The following RAB3IP variants were observed in gnomAD, a reference collection of about 807,000 sequenced individuals.
The protein encoded by RAB3IP is RAB3A interacting protein, also known as rab-3A-interacting protein.
Under a neutral mutation model 59.1 loss-of-function variants are expected in RAB3IP, and 36 were observed. The ratio of observed to expected loss-of-function variants is 0.61; its 90% confidence interval spans 0.47 to 0.80. RAB3IP has a LOEUF of 0.80. Among genes scored for constraint, RAB3IP ranks in the 30% least tolerant of loss-of-function variants. The probability of loss-of-function intolerance (pLI) is 0.00; values close to 1 mark genes in which losing one functional copy is unlikely to be tolerated. For missense variants in RAB3IP, 511 were observed against 536.0 expected, an observed-to-expected ratio of 0.95 and a Z score of 0.46; for synonymous variants, 207 against 191.2, an observed-to-expected ratio of 1.08 and a Z score of -0.68.
chr12:69,758,962 T>G (rs1870718782), intron 3 of RAB3IP, among the ~76,000 whole-genome samples: 1 of 149,034 alleles, frequency 6.7e-6, no homozygotes, highest in Admixed American at 6.7e-5. Context: ...AGATAATTGG[T>G]TTTCTTCCTC....
chr12:69,795,614 G>A, intron 6 of RAB3IP: 1 of 515,476 alleles, frequency 1.9e-6, no homozygotes, highest in Non-Finnish European at 3.4e-6. Flanking sequence ...GTTGTCTAGA[G>A]GAGAGTGGGT....
intron 1 of RAB3IP, among the ~76,000 whole-genome samples, chr12:69,743,586 A>G (rs1887553000): frequency 6.6e-6 from 1 of 152,190 alleles, no homozygotes; most frequent in Non-Finnish European, 1.5e-5. Flanking sequence ...AGGGGAGATA[A>G]TATCACTACC....
intron 8 of RAB3IP, among the ~76,000 whole-genome samples, chr12:69,809,323 G>A (rs1193725147): frequency 2.0e-5 from 3 of 152,142 alleles, no homozygotes; most frequent in Non-Finnish European, 4.4e-5. Context: ...CTCTCTGGCT[G>A]CCCTTAACAT....
At chr12:69,799,616 C>T (rs1379452191) in intron 6 of RAB3IP, among the ~76,000 whole-genome samples, 1 of 151,018 alleles carries the variant, frequency 6.6e-6, no homozygotes, top group Non-Finnish European at 1.5e-5. Context: ...TTTACGTATT[C>T]TTTTTTTTTA....
intron 3 of RAB3IP, among the ~76,000 whole-genome samples, chr12:69,771,994 A>G (rs1051814622): frequency 6.6e-6 from 1 of 151,936 alleles, no homozygotes; most frequent in Admixed American, 6.6e-5. Flanking sequence ...TGTTATTTGT[A>G]TTTTTGCCAT....
At chr12:69,746,054 C>A (rs1212575259) in intron 1 of RAB3IP, among the ~76,000 whole-genome samples, 1 of 152,128 alleles carries the variant, frequency 6.6e-6, no homozygotes, top group African/African-American at 2.4e-5. Flanking sequence ...ATAAATGAAG[C>A]TGTTCTGAAT....
At chr12:69,809,134 T>G (rs10748136) in intron 8 of RAB3IP, among the ~76,000 whole-genome samples, 116,974 of 136,670 alleles carry the variant, frequency 0.86, 50,139 homozygotes, top group Middle Eastern at 0.92. Context: ...GTCTGTAAAG[T>G]ATTTTATTTC....
intron 1 of RAB3IP, among the ~76,000 whole-genome samples, chr12:69,747,899 C>T (rs190005863): frequency 1.3e-5 from 2 of 152,316 alleles, no homozygotes; most frequent in Admixed American, 6.5e-5. Flanking sequence ...TAGCTTTCTT[C>T]TTCAGGTACT....
intron 3 of RAB3IP, among the ~76,000 whole-genome samples, chr12:69,760,356 A>AGAGGGAGACCGTGGAAAGAGAGGGC (rs1341805150): frequency 3.3e-5 from 5 of 152,228 alleles, no homozygotes; most frequent in African/African-American, 9.6e-5. Context: ...GCTCGGCATC[A>AGAGGGAGACCGTGGAAAGAGAGGGC]GAGGGAGACC....
In RAB3IP at chr12:69,817,519, C is replaced by T. The variant is rs963068587; in HGVS notation, c.*2073C>T. On this transcript the variant is annotated 3_prime_UTR_variant, in exon 11 of 11. Coordinates refer to ENST00000247833, the MANE Select transcript of RAB3IP (RefSeq NM_022456.5). ...TATTATAAATTCTTAATTTAGAAAT[C>T]GTGCATCAGTAGTTAGGCATTGTGG... 1 of 151,672 alleles carries T rather than the reference C, an allele frequency of 6.6e-6. No individual in the cohort carries two copies. Among genetic ancestry groups the T allele is most frequent in the African/African-American group, 2.4e-5 (1 of 41,276 alleles). The allele number at this position is 151,672 out of a possible 1,614,324, so 9.4% of individuals were successfully genotyped here. A position where few individuals can be genotyped will look rare whatever the true frequency, so the allele number is the denominator to read the frequency against.
intron 8 of RAB3IP, among the ~76,000 whole-genome samples, chr12:69,809,062 G>A (rs1432997423): frequency 1.3e-5 from 2 of 151,142 alleles, no homozygotes; most frequent in Admixed American, 6.6e-5. Flanking sequence ...CATGTTTAGT[G>A]CTTCCTTCAG....
At chr12:69,803,943 G>A (rs1878811718) in intron 8 of RAB3IP, among the ~76,000 whole-genome samples, 1 of 152,170 alleles carries the variant, frequency 6.6e-6, no homozygotes, top group Non-Finnish European at 1.5e-5. Flanking sequence ...ATTGCGAATA[G>A]TGCCGCAATA....
At chr12:69,740,389 C>A (rs1488200339) in intron 1 of RAB3IP, among the ~76,000 whole-genome samples, 1 of 152,196 alleles carries the variant, frequency 6.6e-6, no homozygotes, top group African/African-American at 2.4e-5. Flanking sequence ...TGATCTAATC[C>A]TAAAGCCCTT....
intron 2 of RAB3IP, 25 bp downstream of exon 2, chr12:69,755,684 T>A (rs769369411): frequency 1.3e-6 from 2 of 1,570,668 alleles, no homozygotes; most frequent in South Asian, 2.3e-5. Flanking sequence ...AATCACTTAT[T>A]TGATTTTTTT....
Position 69,756,530 on chromosome 12 carries a change from A to G in RAB3IP, c.377A>G (p.Glu126Gly). The G allele has an allele frequency of 6.2e-7, 1 of 1,614,180 alleles. No homozygotes were observed. Among genetic ancestry groups the G allele is most frequent in the Non-Finnish European group, 8.5e-7 (1 of 1,180,024 alleles). ...REFLQGATIT[E>G]ACDGSDDIFG... ...TTTTTACAGGGTGCTACTATAACAG[A>G]GGCTTGCGATGGCAGTGATGATATT... Residue 126 changes from glutamate to glycine, a missense_variant, in exon 3 of 11, where the codon GAG (glutamate) becomes GGG (glycine). Coordinates refer to ENST00000247833, the MANE Select transcript of RAB3IP (RefSeq NM_022456.5).
rs1881832818 is a variant in RAB3IP at position 69,822,296 on chromosome 12, C to A, written c.*6850C>A. The A allele has an allele frequency of 6.6e-6, 1 of 152,116 alleles. No individual in the cohort carries two copies. The allele number at this position is 152,116 out of a possible 1,614,324, so 9.4% of individuals were successfully genotyped here. A position where few individuals can be genotyped will look rare whatever the true frequency, so the allele number is the denominator to read the frequency against. ...GTGCTTCAGGCTTTACTACAGCCTA[C>A]CTGGATTTTGCAGTAGCTTCTTAAA... On this transcript the variant is annotated 3_prime_UTR_variant, in exon 11 of 11. Coordinates refer to ENST00000247833, the MANE Select transcript of RAB3IP (RefSeq NM_022456.5).
intron 6 of RAB3IP, chr12:69,795,594 A>G: frequency 1.7e-6 from 1 of 579,328 alleles, no homozygotes; most frequent in Non-Finnish European, 3.1e-6. Flanking sequence ...AAGGGAGGAA[A>G]CTGTCATGTG....
At chr12:69,793,693 C>T (rs572425764) in intron 4 of RAB3IP, among the ~76,000 whole-genome samples, 5 of 152,036 alleles carry the variant, frequency 3.3e-5, no homozygotes, top group South Asian at 2.1e-4. Context: ...ATTCTTATTC[C>T]GATGTTTTAT....
intron 3 of RAB3IP, among the ~76,000 whole-genome samples, chr12:69,766,645 C>T (rs139956788): frequency 0.012 from 1,824 of 151,980 alleles, 38 homozygotes; most frequent in African/African-American, 0.042. Context: ...CTCAGTCTCC[C>T]GAAGTAGCTG....
Sources: allele counts gnomAD v4.1 joint callset (sites outside exome capture counted in the v4.1 genomes callset), GRCh38; gene constraint gnomAD v4.1.1; transcripts MANE v1.5; gene names NCBI Gene and HGNC (gene_info 2026-07-23, HGNC 2026-07-21).